The following SORL1-AS1 variants were observed in gnomAD, a reference collection of about 807,000 sequenced individuals.
SORL1-AS1 encodes SORL1 antisense RNA 1, also known as lncRNA 51 A.
the SORL1-AS1 span, among the ~76,000 whole-genome samples, chr11:121,438,304 TTTA>T: frequency 6.6e-6 from 1 of 152,238 alleles, no homozygotes; most frequent in Non-Finnish European, 1.5e-5. Flanking sequence ...TTTATTTTAA[TTTA>T]TTTTTATTCA....
At chr11:121,443,831 A>T (rs1343436966), downstream of SORL1-AS1, among the ~76,000 whole-genome samples, 1 of 152,202 alleles carries the variant, frequency 6.6e-6, no homozygotes, top group Non-Finnish European at 1.5e-5. Context: ...CTTGGACAAG[A>T]TGTAAGAATC....
chr11:121,448,011 T>A (rs976215960), exon 2 of SORL1-AS1: 1 of 152,216 alleles, frequency 6.6e-6, no homozygotes, highest in African/African-American at 2.4e-5. Context: ...TATCCCTTAC[T>A]AACAGTAAGT....
Position 121,450,389 on chromosome 11 carries a change from G to A in SORL1-AS1, n.340-490C>T, listed in dbSNP as rs1177709565. Among the ~76,000 whole-genome samples the A allele has an allele frequency of 6.6e-6, 1 of 152,086 alleles. No homozygotes were observed. Among genetic ancestry groups the A allele is most frequent in the Non-Finnish European group, 1.5e-5 (1 of 68,020 alleles). On this transcript the variant is annotated intron_variant and non_coding_transcript_variant, in intron 1 of 1. Coordinates refer to ENST00000501964, the Ensembl canonical transcript of SORL1-AS1. The surrounding 1 kb of genome is among the most constrained non-coding windows in gnomAD (Gnocchi z 5.2). ...CAGAGCTGATCTAGATGAGGGGTGG[G>A]AGGTGACAGTGGTTCAGTGGCTTTC...
downstream of SORL1-AS1, among the ~76,000 whole-genome samples, chr11:121,446,342 A>G (rs945796378): frequency 6.6e-6 from 1 of 152,208 alleles, no homozygotes; most frequent in African/African-American, 2.4e-5. Context: ...GAAATCCAGG[A>G]AGAGGTCAAG....
downstream of SORL1-AS1, among the ~76,000 whole-genome samples, chr11:121,443,812 G>A (rs191561158): frequency 1.1e-4 from 16 of 152,330 alleles, no homozygotes; most frequent in East Asian, 3.1e-3. Flanking sequence ...CATAGCTGGA[G>A]TGGGCTTGCT....
chr11:121,452,635 C>A lies in SORL1-AS1; in HGVS notation n.339+40G>T. ...CGGACAGGTGAGCAGTTTTGCAACC[C>A]GCCTCCCTCCAGTTTTTTCCTCTCC... On this transcript the variant is annotated intron_variant and non_coding_transcript_variant, in intron 1 of 1. Coordinates refer to ENST00000501964, the Ensembl canonical transcript of SORL1-AS1. The surrounding 1 kb of genome is among the most constrained non-coding windows in gnomAD (Gnocchi z 5.3). The A allele has an allele frequency of 6.9e-7, 1 of 1,440,004 alleles. No homozygotes were observed. The highest frequency in any genetic ancestry group is 9.1e-7 in the Non-Finnish European group (1 of 1,099,762). 89.2% of individuals were successfully genotyped at this position (1,440,004 alleles called of 1,614,324 possible). A position where few individuals can be genotyped will look rare whatever the true frequency, so the allele number is the denominator to read the frequency against.
chr11:121,452,962 G>T lies in SORL1-AS1; in HGVS notation n.52C>A. ...GGCTTTCTTTAGTGTATCATCAGTT[G>T]GCAGTGGAGGCGAGCACCCTGCAGT... On this transcript the variant is annotated non_coding_transcript_exon_variant, in exon 1 of 2. Coordinates refer to ENST00000501964, the Ensembl canonical transcript of SORL1-AS1. The surrounding 1 kb of genome is among the most constrained non-coding windows in gnomAD (Gnocchi z 5.3). 4.5e-6 allele frequency: 1 copy of T among 224,182 alleles called. No individual in the cohort carries two copies. Among genetic ancestry groups the T allele is most frequent in the Non-Finnish European group, 8.7e-6 (1 of 114,720 alleles). 13.9% of individuals were successfully genotyped at this position (224,182 alleles called of 1,614,324 possible).
chr11:121,443,775 T>C (rs189355970), downstream of SORL1-AS1, among the ~76,000 whole-genome samples: 12 of 152,350 alleles, frequency 7.9e-5, no homozygotes, highest in Non-Finnish European at 1.3e-4. Flanking sequence ...TTATTTTTCA[T>C]TGGTGAAATT....
downstream of SORL1-AS1, among the ~76,000 whole-genome samples, chr11:121,446,754 GA>G (rs552381479): frequency 7.2e-3 from 683 of 94,372 alleles, 9 homozygotes; most frequent in East Asian, 0.088. Flanking sequence ...CTTAAGAGAA[GA>G]AAAAAAAAAA....
chr11:121,446,839 T>C (rs1860731248), downstream of SORL1-AS1, among the ~76,000 whole-genome samples: 1 of 151,756 alleles, frequency 6.6e-6, no homozygotes, highest in Admixed American at 6.6e-5. Flanking sequence ...TTGCTGGCCC[T>C]AAGAGAGTGC....
chr11:121,452,860 A>T lies in SORL1-AS1; in HGVS notation n.154T>A, dbSNP rs187484071. ...CGCCGGGTGCAGTGCGTATTACCCC[A>T]GGGTGTGTGCAGAGAGATGTAGTTT... is the stretch of plus-strand genomic sequence containing the variant. On this transcript the variant is annotated non_coding_transcript_exon_variant, in exon 1 of 2. Coordinates refer to ENST00000501964, the Ensembl canonical transcript of SORL1-AS1. The surrounding 1 kb of genome is among the most constrained non-coding windows in gnomAD (Gnocchi z 5.3). 1.1e-5 allele frequency: 5 copies of T among 450,482 alleles called. No homozygotes were observed. The Admixed American group carries it at 1.8e-4, about 16-fold the overall frequency. 27.9% of individuals were successfully genotyped at this position (450,482 alleles called of 1,614,324 possible). A position where few individuals can be genotyped will look rare whatever the true frequency, so the allele number is the denominator to read the frequency against.
At chr11:121,447,105 A>G (rs1311088253), downstream of SORL1-AS1, among the ~76,000 whole-genome samples, 1 of 152,126 alleles carries the variant, frequency 6.6e-6, no homozygotes, top group African/African-American at 2.4e-5. Flanking sequence ...GGAAAGAGGT[A>G]ATTTCCTAGG....
downstream of SORL1-AS1, among the ~76,000 whole-genome samples, chr11:121,445,893 T>C (rs908157367): frequency 6.6e-6 from 1 of 152,194 alleles, no homozygotes; most frequent in African/African-American, 2.4e-5. Flanking sequence ...AACCTATTAT[T>C]GGGCAGATGA....
chr11:121,441,647 A>C, the SORL1-AS1 span, among the ~76,000 whole-genome samples: 6 of 151,924 alleles, frequency 3.9e-5, no homozygotes, highest in Non-Finnish European at 7.4e-5. Flanking sequence ...ATGTGTATGC[A>C]CTGGCTTGTG....
At chr11:121,441,214 C>T in the SORL1-AS1 span, among the ~76,000 whole-genome samples, 1 of 152,074 alleles carries the variant, frequency 6.6e-6, no homozygotes, top group African/African-American at 2.4e-5. Context: ...TAAGTGGGTA[C>T]ATGAATGCTT....
At chr11:121,444,938 C>G (rs186313056), downstream of SORL1-AS1, among the ~76,000 whole-genome samples, 1 of 152,124 alleles carries the variant, frequency 6.6e-6, no homozygotes, top group Non-Finnish European at 1.5e-5. Context: ...CCATTGAAAA[C>G]GAAGAATTTT....
At chr11:121,440,951 G>T in the SORL1-AS1 span, among the ~76,000 whole-genome samples, 1 of 152,178 alleles carries the variant, frequency 6.6e-6, no homozygotes, top group African/African-American at 2.4e-5. Flanking sequence ...TTATAGGAGT[G>T]TTGGCTGTGG....
chr11:121,445,558 T>C (rs1010128387), downstream of SORL1-AS1, among the ~76,000 whole-genome samples: 1 of 152,054 alleles, frequency 6.6e-6, no homozygotes, highest in African/African-American at 2.4e-5. Flanking sequence ...TCCCACACCC[T>C]ACCTTGCCGC....
At chr11:121,442,678 T>TTTATTTATTTAC (rs1860672284), downstream of SORL1-AS1, among the ~76,000 whole-genome samples, 1 of 113,980 alleles carries the variant, frequency 8.8e-6, no homozygotes, top group Admixed American at 8.6e-5. Context: ...TATTTATTTA[T>TTTATTTATTTAC]TTATTTATTT....
Sources: allele counts gnomAD v4.1 joint callset (sites outside exome capture counted in the v4.1 genomes callset), GRCh38; gene constraint gnomAD v4.1.1; non-coding constraint Gnocchi (gnomAD v3.1); transcripts MANE v1.5; gene names NCBI Gene and HGNC (gene_info 2026-07-23, HGNC 2026-07-21).